Variants in CCDC192 observed in about 807,000 individuals in gnomAD.
The protein encoded by CCDC192 is coiled-coil domain-containing protein 192.
intron 2 of CCDC192, chr5:127,740,395 T>A (rs1387402862): frequency 6.6e-6 from 1 of 152,236 alleles, no homozygotes; most frequent in Non-Finnish European, 1.5e-5. Context: ...GCTAAACTTT[T>A]ATCTGATAGG....
intron 6 of CCDC192, among the ~76,000 whole-genome samples, chr5:127,891,391 A>G (rs1752727280): frequency 6.6e-6 from 1 of 152,166 alleles, no homozygotes; most frequent in African/African-American, 2.4e-5. Context: ...AGAGTACACA[A>G]GCCATCCGTG....
chr5:127,705,045 A>G (rs1750888082), intron 1 of CCDC192, among the ~76,000 whole-genome samples: 1 of 152,328 alleles, frequency 6.6e-6, no homozygotes, highest in Non-Finnish European at 1.5e-5. Flanking sequence ...CTCCCTGCCA[A>G]TAGAAATTTA....
intron 5 of CCDC192, among the ~76,000 whole-genome samples, chr5:127,848,712 T>C (rs1750670609): frequency 1.3e-5 from 2 of 152,336 alleles, no homozygotes; most frequent in African/African-American, 4.8e-5. Flanking sequence ...TTAATATATG[T>C]AAAGTGCTTA....
At chr5:127,723,540 C>G (rs1301014006) in intron 2 of CCDC192, among the ~76,000 whole-genome samples, 2 of 152,186 alleles carry the variant, frequency 1.3e-5, no homozygotes, top group African/African-American at 4.8e-5. Context: ...ATTAATCAGT[C>G]TGACTTTGAA....
At chr5:127,913,390 A>G (rs910742358) in intron 6 of CCDC192, among the ~76,000 whole-genome samples, 1 of 152,332 alleles carries the variant, frequency 6.6e-6, no homozygotes, top group East Asian at 1.9e-4. Flanking sequence ...ATTGTTGGCC[A>G]CCTTAGTAAC....
chr5:127,843,563 G>A (rs530003184), intron 5 of CCDC192, among the ~76,000 whole-genome samples: 4 of 151,570 alleles, frequency 2.6e-5, no homozygotes, highest in African/African-American at 7.3e-5. Context: ...TCAGCCTCCC[G>A]AGTAGCTGGT....
intron 2 of CCDC192, among the ~76,000 whole-genome samples, chr5:127,730,854 G>T (rs903646668): frequency 2.6e-5 from 4 of 152,132 alleles, no homozygotes; most frequent in Non-Finnish European, 5.9e-5. Flanking sequence ...ACTAGGTATT[G>T]ATGGAACATA....
At chr5:127,930,951 C>T in intron 6 of CCDC192, among the ~76,000 whole-genome samples, 1 of 152,226 alleles carries the variant, frequency 6.6e-6, no homozygotes. Flanking sequence ...ACCCTGCCAG[C>T]CTTTCCTGTG....
In CCDC192 at chr5:127,798,159, C is replaced by T. The variant is rs57934074; in HGVS notation, c.408C>T (p.Ala136=). ...EVKASQEQLI[A]QKLKHEKKVK... ...AAGCTTCCCAGGAGCAACTTATAGC[C>T]CAGGTAAGTGTTTTCCTCCTTTTTT... Residue 136 remains alanine, a synonymous_variant, in exon 5 of 7, where the codon GCC becomes GCT. Coordinates refer to ENST00000514853, the MANE Select transcript of CCDC192 (RefSeq NM_001317938.2). 5,333 of 398,202 alleles carry T rather than the reference C, an allele frequency of 0.013. 237 individuals carry two copies. Among genetic ancestry groups the T allele is most frequent in the African/African-American group, 0.098 (4,759 of 48,616 alleles). 24.7% of individuals were successfully genotyped at this position (398,202 alleles called of 1,614,324 possible). A position where few individuals can be genotyped will look rare whatever the true frequency, so the allele number is the denominator to read the frequency against.
chr5:127,881,799 C>T (rs559736376), intron 6 of CCDC192, among the ~76,000 whole-genome samples: 1 of 152,298 alleles, frequency 6.6e-6, no homozygotes, highest in South Asian at 2.1e-4. Context: ...AAGGCGGATT[C>T]CTTCCATCAT....
intron 2 of CCDC192, among the ~76,000 whole-genome samples, chr5:127,747,079 T>C (rs1043745896): frequency 6.6e-6 from 1 of 151,622 alleles, no homozygotes; most frequent in South Asian, 2.1e-4. Flanking sequence ...CTTTTTTTTT[T>C]TTATTTCTTG....
chr5:127,730,296 A>G (rs1366634206), intron 2 of CCDC192, among the ~76,000 whole-genome samples: 2 of 152,186 alleles, frequency 1.3e-5, no homozygotes. Flanking sequence ...GTTCCTGGAC[A>G]TATATATCCT....
intron 2 of CCDC192, among the ~76,000 whole-genome samples, chr5:127,708,860 G>C (rs772690326): frequency 6.6e-6 from 1 of 152,066 alleles, no homozygotes; most frequent in Non-Finnish European, 1.5e-5. Context: ...GGATTCAGAA[G>C]TTCTGGCCTA....
In CCDC192 at chr5:127,703,419, A is replaced by G; in HGVS notation, c.-27A>G. The G allele has an allele frequency of 2.5e-6, 1 of 398,990 alleles. No homozygotes were observed. The highest frequency in any genetic ancestry group is 3.6e-5 in the East Asian group (1 of 28,072). 24.7% of individuals were successfully genotyped at this position (398,990 alleles called of 1,614,324 possible). A position where few individuals can be genotyped will look rare whatever the true frequency, so the allele number is the denominator to read the frequency against. ...GCCTGTTGACGTCTGTCCCAGGGACAGGGGATCCCAGTGGGTCTGGCTTGA... is the reference window on the plus strand; with the variant it reads ...GCCTGTTGACGTCTGTCCCAGGGACGGGGGATCCCAGTGGGTCTGGCTTGA... On this transcript the variant is annotated 5_prime_UTR_variant, in exon 1 of 7. Transcript: ENST00000514853.
chr5:127,788,315 A>G (rs180745814), intron 3 of CCDC192, among the ~76,000 whole-genome samples: 184 of 152,282 alleles, frequency 1.2e-3, no homozygotes, highest in Admixed American at 4.2e-3. Flanking sequence ...CTATGTGACT[A>G]TGTGACTATG....
intron 6 of CCDC192, among the ~76,000 whole-genome samples, chr5:127,917,085 G>A (rs571566237): frequency 6.6e-6 from 1 of 152,308 alleles, no homozygotes; most frequent in South Asian, 2.1e-4. Context: ...GGCACTTTCT[G>A]TTTCAGTTTG....
chr5:127,785,824 G>C, intron 3 of CCDC192: 1 of 328,664 alleles, frequency 3.0e-6, no homozygotes, highest in Non-Finnish European at 6.1e-6. Context: ...AGGCCATCTT[G>C]GTAACCGCAT....
intron 2 of CCDC192, among the ~76,000 whole-genome samples, chr5:127,708,901 T>G (rs1172982789): frequency 2.0e-5 from 3 of 152,016 alleles, no homozygotes; most frequent in Non-Finnish European, 4.4e-5. Context: ...CATCACTAGG[T>G]GTAGTAGTTC....
At chr5:127,719,810 G>T (rs560959380) in intron 2 of CCDC192, among the ~76,000 whole-genome samples, 1 of 126,936 alleles carries the variant, frequency 7.9e-6, no homozygotes. Flanking sequence ...GGCACGTCTC[G>T]CATGGCCAGA....
Sources: allele counts gnomAD v4.1 joint callset (sites outside exome capture counted in the v4.1 genomes callset), GRCh38; gene constraint gnomAD v4.1.1; transcripts MANE v1.5; gene names NCBI Gene and HGNC (gene_info 2026-07-23, HGNC 2026-07-21).